The following HDAC9 variants were observed in gnomAD, a reference collection of about 807,000 sequenced individuals.
HDAC9 encodes the protein histone deacetylase 9, also known as MEF-2 interacting transcription repressor (MITR) protein.
A neutral mutation model predicts 139.4 loss-of-function variants in HDAC9; 41 were observed. The ratio of observed to expected loss-of-function variants is 0.29; its 90% CI spans 0.23 to 0.38. The LOEUF (loss-of-function observed/expected upper bound fraction) is 0.38, where lower values mean the gene tolerates loss of function less well. HDAC9 is among the 10% of genes least tolerant of loss of function. The pLI is 1.00. For missense variants in HDAC9, 1,147 were observed against 1,297.0 expected (o/e 0.88, Z 1.78); for synonymous variants, 517 against 476.2 (o/e 1.09, Z -1.12).
chr7:18,197,323 G>T (rs1412997071), intron 2 of HDAC9, among the ~76,000 whole-genome samples: 12 of 152,294 alleles, frequency 7.9e-5, no homozygotes, highest in Middle Eastern at 3.4e-3. Flanking sequence ...CACAGGAGTT[G>T]AGAAAGGAAT....
intron 23 of HDAC9, among the ~76,000 whole-genome samples, chr7:18,953,323 G>T (rs543727921): frequency 2.0e-5 from 3 of 152,200 alleles, no homozygotes; most frequent in Admixed American, 2.0e-4. Context: ...ATTTGCAAGG[G>T]CCCTAGCCAT....
At chr7:18,574,281 A>T (rs1404230994) in intron 2 of HDAC9, among the ~76,000 whole-genome samples, 1 of 152,222 alleles carries the variant, frequency 6.6e-6, no homozygotes, top group Non-Finnish European at 1.5e-5. Context: ...AGTAGTCCAG[A>T]CATCTGTGCA....
chr7:18,799,995 A>G (rs1429751379), intron 17 of HDAC9, among the ~76,000 whole-genome samples: 2 of 152,194 alleles, frequency 1.3e-5, no homozygotes, highest in Non-Finnish European at 2.9e-5. Flanking sequence ...ATGATGAGAA[A>G]AAAATCTTAA....
In HDAC9 at chr7:18,997,599, T is replaced by C. The variant is rs1786540312; in HGVS notation, c.*1537T>C. ...GCCATAAGTGAAGATTGTCATGCTT[T>C]TATTCAGAAATCTGAAAGAAACCTT... On this transcript the variant is annotated 3_prime_UTR_variant, in exon 26 of 26. Transcript: ENST00000686413. The C allele has an allele frequency of 6.6e-6, 1 of 152,162 alleles. No individual in the cohort carries two copies. The highest frequency in any genetic ancestry group is 6.5e-5 in the Admixed American group (1 of 15,276). The allele number at this position is 152,162 out of a possible 1,614,324, so 9.4% of individuals were successfully genotyped here.
chr7:18,507,339 C>A (rs1363305461), intron 2 of HDAC9, among the ~76,000 whole-genome samples: 6 of 151,144 alleles, frequency 4.0e-5, no homozygotes, highest in Non-Finnish European at 5.9e-5. Flanking sequence ...TACAGGCGCC[C>A]GCCACCACGC....
At chr7:18,695,374 T>C (rs1390538112) in intron 12 of HDAC9, among the ~76,000 whole-genome samples, 5 of 152,300 alleles carry the variant, frequency 3.3e-5, no homozygotes, top group African/African-American at 1.2e-4. Flanking sequence ...CGATGCTAAT[T>C]ATTTAACAAA....
At chr7:18,575,407 A>G (rs1307542271) in intron 2 of HDAC9, among the ~76,000 whole-genome samples, 1 of 152,252 alleles carries the variant, frequency 6.6e-6, no homozygotes, top group Non-Finnish European at 1.5e-5. Context: ...GTAATATAAC[A>G]TGGAGTATTC....
chr7:18,640,761 C>G (rs1210028308), intron 8 of HDAC9, among the ~76,000 whole-genome samples: 1 of 152,024 alleles, frequency 6.6e-6, no homozygotes, highest in African/African-American at 2.4e-5. Flanking sequence ...GACACCATGT[C>G]TTTATGGATG....
chr7:18,143,792 CAA>C lies in HDAC9; in HGVS notation c.-96-18424_-96-18423del, dbSNP rs71014311. On this transcript the variant is annotated intron_variant, in intron 1 of 12. Coordinates refer to the HDAC9 transcript ENST00000417496. ...TGGGTGACAGAGCGAGACTCCATCTCAAAAAAAAAAAAAAGAGTGTCTCTTTT... is the reference window on the plus strand; with the variant it reads ...TGGGTGACAGAGCGAGACTCCATCTCAAAAAAAAAAAAGAGTGTCTCTTTT... 3.4e-4 allele frequency among the ~76,000 whole-genome samples: 42 copies of C among 122,536 alleles called. No individual in the cohort carries two copies. In the South Asian group the frequency reaches 8.4e-3, roughly 25 times the overall value. The allele number at this position is 122,536 out of a possible 152,430, so 80.4% of individuals were successfully genotyped here. A position where few individuals can be genotyped will look rare whatever the true frequency, so the allele number is the denominator to read the frequency against.
intron 22 of HDAC9, among the ~76,000 whole-genome samples, chr7:18,927,331 A>G (rs557576142): frequency 2.6e-5 from 4 of 152,128 alleles, no homozygotes; most frequent in Non-Finnish European, 5.9e-5. Flanking sequence ...CCCATCTGCA[A>G]CAATCAGATT....
intron 22 of HDAC9, among the ~76,000 whole-genome samples, chr7:18,893,931 G>A (rs1168673481): frequency 6.6e-6 from 1 of 152,146 alleles, no homozygotes; most frequent in African/African-American, 2.4e-5. Flanking sequence ...CCCTGAGGCA[G>A]GACCAAGCCC....
intron 1 of HDAC9, among the ~76,000 whole-genome samples, chr7:18,439,389 A>G (rs1022408770): frequency 1.3e-5 from 2 of 152,220 alleles, no homozygotes; most frequent in African/African-American, 2.4e-5. Context: ...TATTGTTTAA[A>G]TCAAGACAAC....
rs1220822928 is a variant in HDAC9 at position 18,323,934 on chromosome 7, TG to T, written c.-42+33420del. Among the ~76,000 whole-genome samples the T allele has an allele frequency of 3.5e-3, 498 of 143,604 alleles. 2 individuals carry two copies. The highest frequency in any genetic ancestry group is 0.011 in the South Asian group (50 of 4,670). The allele number at this position is 143,604 out of a possible 152,430, so 94.2% of individuals were successfully genotyped here. On this transcript the variant is annotated intron_variant, in intron 1 of 3. Transcript: ENST00000413509. ...CCTGCTTCCTGGCTTATGGTTGTTT[TG>T]TTTTTTTTTTTTTTCACTTTGTCCT...
intron 1 of HDAC9, among the ~76,000 whole-genome samples, chr7:18,097,652 T>G (rs1057009642): frequency 6.6e-6 from 1 of 152,032 alleles, no homozygotes; most frequent in African/African-American, 2.4e-5. Context: ...ACTGCAGCCT[T>G]GAACTCCTGG....
chr7:18,399,678 A>G (rs1411771485), intron 1 of HDAC9, among the ~76,000 whole-genome samples: 2 of 152,202 alleles, frequency 1.3e-5, no homozygotes, highest in Non-Finnish European at 2.9e-5. Flanking sequence ...ATTCTAATCA[A>G]GAGAACTGGA....
chr7:18,368,425 T>C (rs1012473873), intron 1 of HDAC9, among the ~76,000 whole-genome samples: 1 of 152,010 alleles, frequency 6.6e-6, no homozygotes, highest in Non-Finnish European at 1.5e-5. Flanking sequence ...ATATATCAAA[T>C]TTCTTATATA....
At chr7:18,649,739 T>G (rs1019708346) in intron 11 of HDAC9, among the ~76,000 whole-genome samples, 1 of 152,038 alleles carries the variant, frequency 6.6e-6, no homozygotes, top group Non-Finnish European at 1.5e-5. Flanking sequence ...TTGCTGGAGT[T>G]TTTCTCTTCT....
intron 1 of HDAC9, among the ~76,000 whole-genome samples, chr7:18,114,637 A>G (rs1172973996): frequency 6.6e-6 from 1 of 152,212 alleles, no homozygotes; most frequent in African/African-American, 2.4e-5. Context: ...ATGTCAATCT[A>G]GATGGAGCAG....
chr7:18,767,324 C>G (rs912460987), intron 16 of HDAC9, among the ~76,000 whole-genome samples, 169 bp downstream of exon 16: 2 of 152,130 alleles, frequency 1.3e-5, no homozygotes, highest in African/African-American at 4.8e-5. Context: ...CGTGGCAGCC[C>G]TTGTTAAAAA....
Sources: gnomAD v4.1 joint callset for allele counts (sites outside exome capture counted in the v4.1 genomes callset) on GRCh38, gnomAD v4.1.1 for gene constraint, MANE v1.5 for transcripts, NCBI Gene and HGNC (gene_info 2026-07-23, HGNC 2026-07-21) for gene names.